HRH1: variants seen among roughly 807,000 people sequenced by gnomAD.
HRH1 encodes the protein histamine H1 receptor.
HRH1 carries 6 observed loss-of-function variants against 10.3 expected under a neutral mutation model. The observed-to-expected ratio is 0.58, with a 90% CI of 0.32 to 1.15. The LOEUF (loss-of-function observed/expected upper bound fraction) is 1.15, where lower values mean the gene tolerates loss of function less well. HRH1 is among the 50% of genes most tolerant of loss of function. The pLI, the probability that HRH1 is intolerant of heterozygous loss-of-function variation, is 0.05. For synonymous variants in HRH1, 242 were observed against 236.7 expected, an observed-to-expected ratio of 1.02 and a Z score of -0.21; for missense variants, 514 against 615.3, an observed-to-expected ratio of 0.84 and a Z score of 1.74.
chr3:11,247,373 G>C (rs1335046819), intron 1 of HRH1, among the ~76,000 whole-genome samples: 2 of 152,142 alleles, frequency 1.3e-5, no homozygotes, highest in Non-Finnish European at 2.9e-5. Context: ...ACGATCGCAA[G>C]AGCACACTGA....
chr3:11,245,654 G>A (rs1423204330), intron 1 of HRH1, among the ~76,000 whole-genome samples: 2 of 152,192 alleles, frequency 1.3e-5, no homozygotes, highest in South Asian at 4.1e-4. Flanking sequence ...AATCACTCTA[G>A]TAAAAGCCCC....
At chr3:11,198,899 T>C (rs546555227) in intron 1 of HRH1, among the ~76,000 whole-genome samples, 126 of 129,038 alleles carry the variant, frequency 9.8e-4, no homozygotes, top group African/African-American at 3.7e-3. Flanking sequence ...TCTCTCTCTC[T>C]TTATACACAC....
chr3:11,255,299 C>A (rs1575046229), intron 1 of HRH1, among the ~76,000 whole-genome samples: 1 of 152,164 alleles, frequency 6.6e-6, no homozygotes, highest in African/African-American at 2.4e-5. Flanking sequence ...AAAATGGTTT[C>A]TCTCCCCTCT....
Position 11,260,638 on chromosome 3 carries a change from T to C in HRH1, c.*137T>C. The C allele has an allele frequency of 1.3e-6, 1 of 776,860 alleles. No individual in the cohort carries two copies. Among genetic ancestry groups the C allele is most frequent in the Non-Finnish European group, 2.1e-6 (1 of 469,548 alleles). The allele number at this position is 776,860 out of a possible 1,614,324, so 48.1% of individuals were successfully genotyped here. A position where few individuals can be genotyped will look rare whatever the true frequency, so the allele number is the denominator to read the frequency against. ...CCACAGTCTTAGGGGCTTGGTAGTT[T>C]GGAAAGTTCTTAGGCACCATAGAAG... On this transcript the variant is annotated 3_prime_UTR_variant, in exon 2 of 2. Coordinates refer to ENST00000431010, the MANE Select transcript of HRH1 (RefSeq NM_001098212.2).
Position 11,259,645 on chromosome 3 carries a change from C to G in HRH1, c.608C>G (p.Thr203Ser). The G allele has an allele frequency of 1.2e-6, 2 of 1,614,110 alleles. No homozygotes were observed. The highest frequency in any genetic ancestry group is 1.7e-6 in the Non-Finnish European group (2 of 1,180,020). Residue 203 changes from threonine (T) to serine (S), a missense_variant, in exon 2 of 2, where the codon ACC (threonine) becomes AGC (serine). Transcript: ENST00000431010. This position sits in a 1 kb window ranked among gnomAD's most constrained non-coding sequence, Gnocchi z 4.6. Reference sequence around the variant, plus strand: ...GCCATCATCAACTTCTACCTGCCCACCTTGCTCATGCTCTGGTTCTATGCC... The same window carrying G: ...GCCATCATCAACTTCTACCTGCCCAGCTTGCTCATGCTCTGGTTCTATGCC... ...MTAIINFYLP[T>S]LLMLWFYAKI... is the part of the protein sequence containing the mutation.
At chr3:11,139,914 T>C (rs935550425) in intron 1 of HRH1, among the ~76,000 whole-genome samples, 1 of 152,120 alleles carries the variant, frequency 6.6e-6, no homozygotes, top group Non-Finnish European at 1.5e-5. Flanking sequence ...TTGCACAACA[T>C]TGTGACTATA....
intron 1 of HRH1, among the ~76,000 whole-genome samples, chr3:11,186,588 T>C (rs577842300): frequency 6.6e-6 from 1 of 152,342 alleles, no homozygotes; most frequent in South Asian, 2.1e-4. Context: ...CTGACTTTAA[T>C]GCCTGGAGCT....
At chr3:11,227,301 T>C (rs79678750) in intron 1 of HRH1, among the ~76,000 whole-genome samples, 4 of 151,260 alleles carry the variant, frequency 2.6e-5, no homozygotes, top group South Asian at 4.2e-4. Context: ...TTTTTTTTTT[T>C]CCTCAGGCGG....
intron 1 of HRH1, among the ~76,000 whole-genome samples, chr3:11,249,641 G>T (rs1206626865): frequency 6.6e-6 from 1 of 152,178 alleles, no homozygotes; most frequent in African/African-American, 2.4e-5. Context: ...TCCCTTTAGT[G>T]AAACAAATGT....
intron 1 of HRH1, among the ~76,000 whole-genome samples, chr3:11,184,253 G>A (rs554159951): frequency 1.4e-4 from 21 of 152,150 alleles, no homozygotes; most frequent in African/African-American, 4.3e-4. Flanking sequence ...ATATATTAAC[G>A]CAGTTAATCT....
rs1187966738 is a variant in HRH1, at chr3:11,260,025, C to T, written c.988C>T (p.Gln330Ter). 10 of 1,614,118 alleles carry T rather than the reference C, an allele frequency of 6.2e-6. No individual in the cohort carries two copies. Among genetic ancestry groups the T allele is most frequent in the Non-Finnish European group, 8.5e-7 (1 of 1,180,022 alleles). ...DYVAVNRSHG[Q>*]LKTDEQGLNT... ...TGTAGCCGTCAACCGGAGCCATGGC[C>T]AGCTCAAGACAGATGAGCAGGGCCT... Residue 330 changes from glutamine to a stop codon, truncating the protein, a stop_gained, in exon 2 of 2, where the codon CAG (glutamine) becomes TAG (stop). Transcript: ENST00000431010. LOFTEE classifies it low-confidence loss of function (END_TRUNC).
chr3:11,172,529 AGATCTGAACAATTTAGGAGCTGCTT>A (rs1271220721), intron 1 of HRH1, among the ~76,000 whole-genome samples: 1 of 152,186 alleles, frequency 6.6e-6, no homozygotes. Flanking sequence ...TCATCTATTT[AGATCTGAACAATTTAGGAGCTGCTT>A]GCTAGAATCT....
intron 1 of HRH1, chr3:11,234,267 C>A: frequency 6.4e-7 from 1 of 1,557,866 alleles, no homozygotes; most frequent in Non-Finnish European, 8.8e-7. Context: ...CTTGACCCCA[C>A]CTCTTCTTTG....
At chr3:11,253,758 C>T (rs938089108) in intron 1 of HRH1, among the ~76,000 whole-genome samples, 7 of 152,070 alleles carry the variant, frequency 4.6e-5, no homozygotes, top group African/African-American at 1.4e-4. Flanking sequence ...TTCACGTTCC[C>T]GAATGGTCAT....
chr3:11,180,945 GCATA>G (rs1385974860), intron 1 of HRH1, among the ~76,000 whole-genome samples: 4 of 64,634 alleles, frequency 6.2e-5, no homozygotes, highest in South Asian at 5.4e-4. Flanking sequence ...CTTCTCTCAG[GCATA>G]CACACACACA....
chr3:11,188,296 C>T (rs545351618), intron 1 of HRH1, among the ~76,000 whole-genome samples: 2 of 152,254 alleles, frequency 1.3e-5, no homozygotes, highest in African/African-American at 4.8e-5. Context: ...TGTAATTCCA[C>T]TTGTAGGAAG....
chr3:11,235,639 A>T (rs1206672961), intron 1 of HRH1, among the ~76,000 whole-genome samples: 1 of 152,228 alleles, frequency 6.6e-6, no homozygotes, highest in Non-Finnish European at 1.5e-5. Flanking sequence ...ACAGGATGCA[A>T]GTCCCGGCTC....
chr3:11,187,409 A>G (rs9834803), intron 1 of HRH1, among the ~76,000 whole-genome samples: 32,761 of 151,766 alleles, frequency 0.22, 4,424 homozygotes, highest in Non-Finnish European at 0.3. Flanking sequence ...TTTGAAGAAG[A>G]GAAAAATAAT....
At chr3:11,231,553 C>G (rs1026589786) in intron 1 of HRH1, among the ~76,000 whole-genome samples, 1 of 152,122 alleles carries the variant, frequency 6.6e-6, no homozygotes, top group Non-Finnish European at 1.5e-5. Context: ...AGTGATATCT[C>G]GTTGTGGTTT....
Sources: allele counts gnomAD v4.1 joint callset (sites outside exome capture counted in the v4.1 genomes callset), GRCh38; gene constraint gnomAD v4.1.1; non-coding constraint Gnocchi (gnomAD v3.1); transcripts MANE v1.5; gene names NCBI Gene and HGNC (gene_info 2026-07-23, HGNC 2026-07-21).